LINGO1: variants seen among roughly 807,000 people sequenced by gnomAD.
The protein encoded by LINGO1 is leucine rich repeat and Ig domain containing 1.
In LINGO1, 11 loss-of-function variants were observed where a neutral mutation model predicts 37.3. That is an observed-to-expected ratio of 0.29 (90% CI 0.19 to 0.49). LINGO1 has a LOEUF of 0.49. Among genes scored for constraint, LINGO1 ranks in the 20% least tolerant of loss-of-function variants. The pLI, the probability that LINGO1 is intolerant of heterozygous loss-of-function variation, is 0.99. For missense variants in LINGO1, 585 were observed against 878.2 expected, an observed-to-expected ratio of 0.67 and a Z score of 4.22; for synonymous variants, 387 against 403.0, an observed-to-expected ratio of 0.96 and a Z score of 0.48.
At chr15:77,777,467 A>ACACG (rs1555541592) in intron 1 of LINGO1, among the ~76,000 whole-genome samples, 1 of 30,108 alleles carries the variant, frequency 3.3e-5, no homozygotes, top group East Asian at 1.4e-3. Flanking sequence ...ACACACACGC[A>ACACG]CACACACACA....
chr15:77,738,430 T>C (rs1726838990), intron 1 of LINGO1, among the ~76,000 whole-genome samples: 1 of 152,188 alleles, frequency 6.6e-6, no homozygotes, highest in Non-Finnish European at 1.5e-5. Context: ...TCAGGGTTTT[T>C]GCCCTCTCGC....
intron 2 of LINGO1, among the ~76,000 whole-genome samples, chr15:77,723,322 C>T (rs191246142): frequency 6.6e-6 from 1 of 152,314 alleles, no homozygotes; most frequent in Non-Finnish European, 1.5e-5. Context: ...GCAGGCAGGC[C>T]TCCTGCTGAG....
intron 3 of LINGO1, among the ~76,000 whole-genome samples, chr15:77,674,381 T>C (rs189356140): frequency 2.8e-4 from 43 of 152,344 alleles, no homozygotes; most frequent in African/African-American, 8.9e-4. Context: ...GGTTAAAATG[T>C]AATTCCAATC....
chr15:77,735,381 C>T lies in LINGO1; in HGVS notation c.-256-328G>A, dbSNP rs149126882. ...CCCACCTATCCAAACCTGTGTGCAGCGGAAGCCACAGTTCTCTGGTTCCTG... is the reference window on the plus strand; with the variant it reads ...CCCACCTATCCAAACCTGTGTGCAGTGGAAGCCACAGTTCTCTGGTTCCTG... On this transcript the variant is annotated intron_variant, in intron 1 of 3. Coordinates refer to the LINGO1 transcript ENST00000561686. 5.5e-3 allele frequency among the ~76,000 whole-genome samples: 838 copies of T among 152,328 alleles called. 4 individuals are homozygous for T. Among genetic ancestry groups the T allele is most frequent in the Non-Finnish European group, 9.2e-3 (623 of 68,028 alleles).
At chr15:77,803,685 T>C (rs2076937247) in intron 1 of LINGO1, among the ~76,000 whole-genome samples, 1 of 151,984 alleles carries the variant, frequency 6.6e-6, no homozygotes, top group South Asian at 2.1e-4. Context: ...TCTGGCCGTT[T>C]GAAAGTGTGT....
intron 1 of LINGO1, among the ~76,000 whole-genome samples, chr15:77,691,558 C>G (rs1319294534): frequency 6.6e-6 from 1 of 152,116 alleles, no homozygotes; most frequent in Non-Finnish European, 1.5e-5. Context: ...CCTACCTCCT[C>G]CAGCCACTGC....
At chr15:77,664,508 C>T (rs888861747) in intron 3 of LINGO1, among the ~76,000 whole-genome samples, 14 of 152,168 alleles carry the variant, frequency 9.2e-5, no homozygotes, top group Admixed American at 2.0e-4. Flanking sequence ...AGGCGCTTCC[C>T]TGGGAAGCAG....
intron 1 of LINGO1, among the ~76,000 whole-genome samples, chr15:77,691,649 G>T (rs2075604785): frequency 6.6e-6 from 1 of 152,134 alleles, no homozygotes; most frequent in Non-Finnish European, 1.5e-5. Context: ...GTCACTCAGA[G>T]GGGAAGACTC....
intron 1 of LINGO1, among the ~76,000 whole-genome samples, chr15:77,760,004 G>A (rs1165196444): frequency 1.3e-5 from 2 of 152,226 alleles, no homozygotes; most frequent in Non-Finnish European, 2.9e-5. Flanking sequence ...AAACTGCCAG[G>A]TCTCAGAGCC....
chr15:77,678,864 A>G (rs1351160022), intron 2 of LINGO1, among the ~76,000 whole-genome samples: 2 of 152,110 alleles, frequency 1.3e-5, no homozygotes, highest in African/African-American at 2.4e-5. Context: ...AATGATATGT[A>G]GTGGTATTGC....
chr15:77,697,021 G>T (rs1289629079), upstream of LINGO1, among the ~76,000 whole-genome samples: 1 of 152,258 alleles, frequency 6.6e-6, no homozygotes, highest in Non-Finnish European at 1.5e-5. Context: ...GACTGGCTAA[G>T]GCACAAGGCA....
At chr15:77,638,725 G>T (rs188450242), upstream of LINGO1, among the ~76,000 whole-genome samples, 68 of 152,272 alleles carry the variant, frequency 4.5e-4, no homozygotes, top group African/African-American at 1.5e-3. Flanking sequence ...TTCTGACTCT[G>T]TCTCTGACTC....
intron 1 of LINGO1, among the ~76,000 whole-genome samples, chr15:77,749,062 C>G (rs1056293301): frequency 6.6e-6 from 1 of 151,750 alleles, no homozygotes; most frequent in African/African-American, 2.4e-5. Context: ...CGCACACTAC[C>G]ACGCCCGGCT....
At position 77,722,869 on chromosome 15, in the gene LINGO1, T is replaced by A. The variant is rs202046808; in HGVS notation, c.-195+12123A>T. Among the ~76,000 whole-genome samples the A allele has an allele frequency of 1.7e-4, 26 of 152,234 alleles. 1 individual carries two copies. In the East Asian group the frequency reaches 5.0e-3, roughly 30 times the overall value. ...TGCTCAGTAACCCAGGGGTGCACTC[T>A]CCAGCCCCTCACGCAGTAACCCGGG... On this transcript the variant is annotated intron_variant, in intron 2 of 3. Coordinates refer to the LINGO1 transcript ENST00000561686.
intron 2 of LINGO1, among the ~76,000 whole-genome samples, chr15:77,718,365 C>T (rs546390269): frequency 2.6e-5 from 4 of 151,128 alleles, no homozygotes; most frequent in Admixed American, 6.6e-5. Flanking sequence ...AGCATGCCCA[C>T]GCATGGCTGT....
intron 1 of LINGO1, among the ~76,000 whole-genome samples, chr15:77,629,995 A>T (rs1407767332): frequency 6.6e-6 from 1 of 151,840 alleles, no homozygotes; most frequent in Admixed American, 6.6e-5. Flanking sequence ...CCAGGTGAGG[A>T]TGGGGGGATA....
rs1464019915 is a variant in LINGO1, at chr15:77,615,820, C to T, written c.87G>A (p.Leu29=). 2.0e-6 allele frequency: 3 copies of T among 1,531,450 alleles called. No homozygotes were observed. The highest frequency in any genetic ancestry group is 1.7e-4 in the Middle Eastern group (1 of 5,766). The allele number at this position is 1,531,450 out of a possible 1,614,324, so 94.9% of individuals were successfully genotyped here. A position where few individuals can be genotyped will look rare whatever the true frequency, so the allele number is the denominator to read the frequency against. Residue 29 remains leucine, a synonymous_variant, in exon 2 of 2, where the codon CTG becomes CTA. Coordinates refer to ENST00000355300, the MANE Select transcript of LINGO1 (RefSeq NM_032808.7). Reference sequence around the variant, plus strand: ...AGCCTGACAGCACTGAGCCCAGCACCAGCAGGAGGATGGGCTGCCAGCAGG... The same window carrying T: ...AGCCTGACAGCACTGAGCCCAGCACTAGCAGGAGGATGGGCTGCCAGCAGG... ...LLACWQPILL[L]VLGSVLSGSA...
At chr15:77,640,263 G>A (rs1189729121) in intron 3 of LINGO1, among the ~76,000 whole-genome samples, 2 of 152,214 alleles carry the variant, frequency 1.3e-5, no homozygotes, top group Non-Finnish European at 2.9e-5. Flanking sequence ...GAGACCCTGT[G>A]AGCCAAGCCT....
intron 1 of LINGO1, among the ~76,000 whole-genome samples, chr15:77,800,949 C>T (rs1017909655): frequency 1.3e-5 from 2 of 152,110 alleles, no homozygotes; most frequent in African/African-American, 2.4e-5. Flanking sequence ...CAGGGAAATG[C>T]AAATGAAAGT....
Sources: gnomAD v4.1 joint callset for allele counts (sites outside exome capture counted in the v4.1 genomes callset) on GRCh38, gnomAD v4.1.1 for gene constraint, MANE v1.5 for transcripts, NCBI Gene and HGNC (gene_info 2026-07-23, HGNC 2026-07-21) for gene names.